The following OXR1 variants were observed in gnomAD, a reference collection of about 807,000 sequenced individuals.
The protein encoded by OXR1 is oxidation resistance 1.
In OXR1, 41 loss-of-function variants were observed where a neutral mutation model predicts 104.6. That is an observed-to-expected ratio of 0.39 (90% CI 0.31 to 0.51). The LOEUF is 0.51. Among genes scored for constraint, OXR1 ranks in the 20% least tolerant of loss-of-function variants. The pLI is 0.77. For missense variants in OXR1, 955 were observed against 1,031.9 expected, an observed-to-expected ratio of 0.93 and a Z score of 1.02; for synonymous variants, 348 against 348.4, an observed-to-expected ratio of 1.00 and a Z score of 0.01.
chr8:106,635,949 C>T (rs1325762484), intron 3 of OXR1, among the ~76,000 whole-genome samples: 1 of 152,084 alleles, frequency 6.6e-6, no homozygotes, highest in East Asian at 1.9e-4. Context: ...GAAATGATTC[C>T]ATGGTAGATG....
intron 3 of OXR1, among the ~76,000 whole-genome samples, chr8:106,654,287 C>A (rs575328420): frequency 3.3e-5 from 5 of 152,014 alleles, no homozygotes; most frequent in Non-Finnish European, 7.4e-5. Flanking sequence ...CTCACACTTT[C>A]CAATTTCAAA....
At chr8:106,630,651 G>T (rs1822599672) in intron 3 of OXR1, among the ~76,000 whole-genome samples, 1 of 152,180 alleles carries the variant, frequency 6.6e-6, no homozygotes, top group African/African-American at 2.4e-5. Context: ...TAACATGATA[G>T]CAGATGAGCA....
intron 1 of OXR1, among the ~76,000 whole-genome samples, chr8:106,286,222 C>G (rs1210068704): frequency 1.3e-5 from 2 of 148,652 alleles, no homozygotes; most frequent in African/African-American, 5.2e-5. Context: ...GGAAGCCTGC[C>G]TGAAAGAGAA....
At chr8:106,690,354 C>T (rs951259806) in intron 6 of OXR1, among the ~76,000 whole-genome samples, 1 of 150,700 alleles carries the variant, frequency 6.6e-6, no homozygotes, top group Non-Finnish European at 1.5e-5. Context: ...TAAATAACAA[C>T]TTAGTAAGGA....
intron 2 of OXR1, among the ~76,000 whole-genome samples, chr8:106,407,380 T>C (rs1818285481): frequency 6.6e-6 from 1 of 152,212 alleles, no homozygotes; most frequent in African/African-American, 2.4e-5. Flanking sequence ...CAGTTTGCTG[T>C]ACCTAACTTA....
At chr8:106,412,734 TA>T (rs1308673870) in intron 2 of OXR1, among the ~76,000 whole-genome samples, 2 of 152,260 alleles carry the variant, frequency 1.3e-5, no homozygotes, top group East Asian at 3.9e-4. Flanking sequence ...TTCTTCCATG[TA>T]TTTGGGATAA....
chr8:106,397,925 G>C (rs921017913), intron 2 of OXR1, among the ~76,000 whole-genome samples: 5 of 152,062 alleles, frequency 3.3e-5, no homozygotes, highest in African/African-American at 1.2e-4. Flanking sequence ...CCTTCTGAAG[G>C]CTGAGGCAGA....
chr8:106,352,500 T>C (rs1380071954), intron 1 of OXR1, among the ~76,000 whole-genome samples: 3 of 152,210 alleles, frequency 2.0e-5, no homozygotes, highest in Non-Finnish European at 2.9e-5. Context: ...TATAAACCGA[T>C]ATTATATCAT....
intron 3 of OXR1, among the ~76,000 whole-genome samples, chr8:106,548,882 G>C (rs1024615581): frequency 1.3e-5 from 2 of 152,086 alleles, no homozygotes; most frequent in African/African-American, 4.8e-5. Flanking sequence ...TGCCATTTCT[G>C]GCAGCCTAAA....
At position 106,738,080 on chromosome 8, in the gene OXR1, A is replaced by G. The variant is rs142404831; in HGVS notation, c.2037+480A>G. 4.3e-3 allele frequency among the ~76,000 whole-genome samples: 650 copies of G among 152,302 alleles called. 1 individual carries two copies. The highest frequency in any genetic ancestry group is 0.014 in the African/African-American group (601 of 41,578). On this transcript the variant is annotated intron_variant, in intron 12 of 16. Transcript: ENST00000517566. ...TGAGGCATTCTTGGTTGGTATTAGG[A>G]GTACATTGGAATAGTACAGTTTAGA...
rs534230467 is a variant in OXR1 at position 106,436,990 on chromosome 8, AAAAC to A, written c.23+77366_23+77369del. On this transcript the variant is annotated intron_variant, in intron 2 of 16. Transcript: ENST00000517566. ...AAAGGGGGGTGACTATTGGCTGAGCAAAACAAACAAACAAAAAAATCTTTCTATG... is the reference window on the plus strand; with the variant it reads ...AAAGGGGGGTGACTATTGGCTGAGCAAAACAAACAAAAAAATCTTTCTATG... 1.2e-3 allele frequency among the ~76,000 whole-genome samples: 184 copies of A among 152,320 alleles called. 1 individual carries two copies. Among genetic ancestry groups the A allele is most frequent in the Middle Eastern group, 3.4e-3 (1 of 294 alleles).
chr8:106,291,013 A>AT (rs1812728163), intron 1 of OXR1, among the ~76,000 whole-genome samples: 1 of 152,186 alleles, frequency 6.6e-6, no homozygotes, highest in South Asian at 2.1e-4. Context: ...TTGCTGGGCT[A>AT]TTCACAGTAG....
At chr8:106,609,730 C>T (rs1359270299) in intron 3 of OXR1, among the ~76,000 whole-genome samples, 1 of 151,984 alleles carries the variant, frequency 6.6e-6, no homozygotes, top group East Asian at 1.9e-4. Context: ...ATATAAAAGA[C>T]TACCCATATT....
At chr8:106,361,811 G>A (rs1359495797) in intron 2 of OXR1, among the ~76,000 whole-genome samples, 1 of 152,098 alleles carries the variant, frequency 6.6e-6, no homozygotes, top group Non-Finnish European at 1.5e-5. Context: ...ACTGATATGG[G>A]AAAATTAACT....
intron 11 of OXR1, chr8:106,726,253 C>G: frequency 1.3e-6 from 2 of 1,528,378 alleles, no homozygotes; most frequent in Non-Finnish European, 1.8e-6. Flanking sequence ...AATGTCTCGT[C>G]TCTGGTATGG....
chr8:106,361,702 T>C (rs776537015), intron 2 of OXR1, among the ~76,000 whole-genome samples: 42 of 152,192 alleles, frequency 2.8e-4, no homozygotes, highest in Non-Finnish European at 5.6e-4. Context: ...TTAACAGGAA[T>C]GCACAGTAAC....
At chr8:106,694,912 CATATTTATAT>C (rs1401035145) in intron 7 of OXR1, among the ~76,000 whole-genome samples, 3 of 107,692 alleles carry the variant, frequency 2.8e-5, no homozygotes, top group East Asian at 2.6e-4. Context: ...TATCTATTTA[CATATTTATAT>C]ATATTTATAT....
intron 3 of OXR1, among the ~76,000 whole-genome samples, chr8:106,623,063 C>T (rs1009294383): frequency 7.9e-5 from 12 of 152,112 alleles, no homozygotes; most frequent in African/African-American, 2.9e-4. Context: ...GATTCAAACC[C>T]AAGACCCTGG....
At chr8:106,610,241 C>A (rs1820715625) in intron 3 of OXR1, among the ~76,000 whole-genome samples, 1 of 152,082 alleles carries the variant, frequency 6.6e-6, no homozygotes, top group South Asian at 2.1e-4. Flanking sequence ...TTCAACCCTG[C>A]AAATTCTCAT....
Sources: allele counts gnomAD v4.1 joint callset (sites outside exome capture counted in the v4.1 genomes callset), GRCh38; gene constraint gnomAD v4.1.1; transcripts MANE v1.5; gene names NCBI Gene and HGNC (gene_info 2026-07-23, HGNC 2026-07-21).